The following KAZN variants were observed in gnomAD, a reference collection of about 807,000 sequenced individuals.
The protein encoded by KAZN is kazrin, periplakin interacting protein, also known as kazrin.
In KAZN, 40 loss-of-function variants were observed where a neutral mutation model predicts 87.4. That is an observed-to-expected ratio of 0.46 (90% CI 0.36 to 0.60). The LOEUF (loss-of-function observed/expected upper bound fraction) is 0.60, where lower values mean the gene tolerates loss of function less well. KAZN is among the 20% of genes least tolerant of loss of function. The pLI, the probability that KAZN is intolerant of heterozygous loss-of-function variation, is 0.00. For synonymous variants in KAZN, 466 were observed against 458.3 expected (o/e 1.02, Z -0.22); for missense variants, 898 against 1,073.9 (o/e 0.84, Z 2.29).
At chr1:13,994,289 C>G (rs1224905532) in intron 1 of KAZN, among the ~76,000 whole-genome samples, 1 of 152,200 alleles carries the variant, frequency 6.6e-6, no homozygotes, top group African/African-American at 2.4e-5. Context: ...AGCATACCAA[C>G]TGGCTTTTAT....
chr1:14,243,336 G>A (rs1177276170), intron 2 of KAZN, among the ~76,000 whole-genome samples: 2 of 152,196 alleles, frequency 1.3e-5, no homozygotes, highest in African/African-American at 4.8e-5. Flanking sequence ...CTTTTCTGCA[G>A]GCGGAAGGTA....
intron 1 of KAZN, among the ~76,000 whole-genome samples, chr1:14,710,668 G>T (rs909460123): frequency 1.1e-4 from 16 of 152,204 alleles, no homozygotes; most frequent in African/African-American, 3.9e-4. Flanking sequence ...TTCTGAAGGG[G>T]AGAGTCCTTT....
intron 2 of KAZN, among the ~76,000 whole-genome samples, chr1:14,552,637 A>C (rs1290977624): frequency 6.6e-6 from 1 of 152,182 alleles, no homozygotes; most frequent in Non-Finnish European, 1.5e-5. Flanking sequence ...ACCCCCATGA[A>C]TGCCTCCATG....
chr1:15,005,952 A>C (rs1668961443), intron 2 of KAZN, among the ~76,000 whole-genome samples: 1 of 152,132 alleles, frequency 6.6e-6, no homozygotes, highest in Non-Finnish European at 1.5e-5. Flanking sequence ...TTACCGCGAC[A>C]CTGGGCCCTG....
rs181551207 is a variant in KAZN, at chr1:14,834,053, T to C, written c.227-126631T>C. 1.1e-4 allele frequency among the ~76,000 whole-genome samples: 16 copies of C among 152,088 alleles called. No homozygotes were observed. In the South Asian group the frequency reaches 2.7e-3, roughly 26 times the overall value. On this transcript the variant is annotated intron_variant, in intron 1 of 14. Coordinates refer to ENST00000376030, the MANE Select transcript of KAZN (RefSeq NM_201628.3). The stretch of plus-strand genomic sequence containing the variant: ...TATATATTTTTTGTTGTTGTTGTTT[T>C]GAGATGGAGTCTCACTCTGTCACCC...
chr1:15,065,715 G>A lies in KAZN; in HGVS notation c.1184G>A (p.Gly395Glu). ...FGSISRVFAR[G>E]KQRKSLDPGL... ...TCCATCTCCCGCGTCTTCGCCAGAG[G>A]GAAGCAGCGGAAGTCCCTCGACCCC... Residue 395 changes from glycine to glutamate, a missense_variant, in exon 8 of 15, where the codon GGG becomes GAG. This residue lies in a region of KAZN where 521 missense variants were observed against 689.4 expected (regional missense o/e 0.76). Transcript: ENST00000376030. 3.7e-6 allele frequency: 6 copies of A among 1,614,258 alleles called. No homozygotes were observed. Among genetic ancestry groups the A allele is most frequent in the Non-Finnish European group, 5.1e-6 (6 of 1,180,048 alleles).
rs1005210511 is a variant in KAZN at position 14,334,611 on chromosome 1, A to G, written c.249+154019A>G. ...AGGACTTTGGCTTTCACCCTGCAGG[A>G]AAAGGGAAGTCAGGCAGGATTAGGA... On this transcript the variant is annotated intron_variant, in intron 2 of 16. Coordinates refer to the KAZN transcript ENST00000636203. Among the ~76,000 whole-genome samples, 47 of 152,184 alleles carry G rather than the reference A, an allele frequency of 3.1e-4. 1 individual carries two copies. The highest frequency in any genetic ancestry group is 9.8e-4 in the Admixed American group (15 of 15,274).
At chr1:13,921,472 A>G (rs1341080734) in intron 1 of KAZN, among the ~76,000 whole-genome samples, 1 of 152,230 alleles carries the variant, frequency 6.6e-6, no homozygotes, top group African/African-American at 2.4e-5. Context: ...TGATTCAGCC[A>G]CAGGTTATAG....
chr1:14,947,104 G>C (rs545718235), intron 1 of KAZN, among the ~76,000 whole-genome samples: 41 of 152,336 alleles, frequency 2.7e-4, no homozygotes, highest in African/African-American at 8.7e-4. Flanking sequence ...GGGAAAGAAA[G>C]CAGGGCTGGG....
intron 1 of KAZN, among the ~76,000 whole-genome samples, chr1:14,149,277 A>ATTTT (rs3033858): frequency 2.1e-5 from 3 of 142,040 alleles, no homozygotes; most frequent in African/African-American, 7.8e-5. Context: ...AATTTTTTGT[A>ATTTT]TTTTTTTTTT....
chr1:14,067,387 C>G (rs1032820984), intron 1 of KAZN, among the ~76,000 whole-genome samples: 5 of 152,184 alleles, frequency 3.3e-5, no homozygotes, highest in Admixed American at 6.5e-5. Flanking sequence ...GCTGGAGAGA[C>G]TAAAGCTTTG....
rs1206424249 is a variant in KAZN at position 13,893,723 on chromosome 1, G to A, written c.58G>A (p.Val20Ile). ...CACAGGCCCCGTCACCTTCTCCCACGTCTTTGGTCAGCAGTGCCAACTTAT... is the reference window on the plus strand; with the variant it reads ...CACAGGCCCCGTCACCTTCTCCCACATCTTTGGTCAGCAGTGCCAACTTAT... Residue 20 changes from valine (V) to isoleucine (I), a missense_variant, in exon 1 of 17, where the codon GTC becomes ATC. Transcript: ENST00000636203. The A allele has an allele frequency of 2.6e-6, 4 of 1,550,500 alleles. No homozygotes were observed. The East Asian group carries it at 7.3e-5, about 28-fold the overall frequency.
intron 2 of KAZN, among the ~76,000 whole-genome samples, chr1:14,436,717 C>CAAAAAAAA (rs1197002414): frequency 1.9e-5 from 1 of 51,308 alleles, no homozygotes; most frequent in East Asian, 6.6e-4. Flanking sequence ...GACTCTGTCT[C>CAAAAAAAA]AAAAAAAAAA....
At chr1:14,042,086 T>C (rs1422191780) in intron 1 of KAZN, among the ~76,000 whole-genome samples, 3 of 152,192 alleles carry the variant, frequency 2.0e-5, no homozygotes, top group African/African-American at 7.2e-5. Context: ...TTTCTTTGTC[T>C]ACTACTTATT....
At chr1:13,982,615 A>G (rs1254792110) in intron 1 of KAZN, among the ~76,000 whole-genome samples, 5 of 152,148 alleles carry the variant, frequency 3.3e-5, no homozygotes, top group Non-Finnish European at 5.9e-5. Flanking sequence ...CATCCTGCTG[A>G]TTGGTAGAGC....
intron 2 of KAZN, among the ~76,000 whole-genome samples, chr1:15,025,758 C>T (rs1279481551): frequency 1.3e-5 from 2 of 152,162 alleles, no homozygotes; most frequent in Non-Finnish European, 2.9e-5. Context: ...AGTTCCAGGT[C>T]AGCCACTTGT....
chr1:14,825,208 A>G (rs1646849394), intron 1 of KAZN, among the ~76,000 whole-genome samples: 2 of 152,236 alleles, frequency 1.3e-5, no homozygotes, highest in Non-Finnish European at 2.9e-5. Context: ...GCACAGAGAG[A>G]ACAGAACAGC....
intron 2 of KAZN, among the ~76,000 whole-genome samples, chr1:14,405,624 G>A (rs1310470872): frequency 6.6e-6 from 1 of 151,536 alleles, no homozygotes; most frequent in African/African-American, 2.4e-5. Flanking sequence ...GTGTGTGTGT[G>A]TGTGTGTGTG....
At chr1:14,155,957 T>C (rs760452289) in intron 1 of KAZN, among the ~76,000 whole-genome samples, 66 of 152,072 alleles carry the variant, frequency 4.3e-4, no homozygotes, top group Non-Finnish European at 1.0e-4. Context: ...TCTTCTCTTT[T>C]GATGTTGGCA....
Sources: allele counts gnomAD v4.1 joint callset (sites outside exome capture counted in the v4.1 genomes callset), GRCh38; gene constraint gnomAD v4.1.1; regional missense constraint gnomAD v4.1.1; transcripts MANE v1.5; gene names NCBI Gene and HGNC (gene_info 2026-07-23, HGNC 2026-07-21).